The following FAM168A variants were observed in gnomAD, a reference collection of about 807,000 sequenced individuals.
The protein encoded by FAM168A is protein FAM168A.
FAM168A carries 3 observed loss-of-function variants against 28.5 expected under a neutral mutation model. That is an observed-to-expected ratio of 0.11 (90% CI 0.05 to 0.27). FAM168A has a LOEUF of 0.27. Among genes scored for constraint, FAM168A ranks in the 10% least tolerant of loss-of-function variants. The pLI, the probability that FAM168A is intolerant of heterozygous loss-of-function variation, is 1.00. For missense variants in FAM168A, 222 were observed against 311.5 expected (o/e 0.71, Z 2.16); for synonymous variants, 122 against 124.2 (o/e 0.98, Z 0.12).
At chr11:73,493,863 C>T (rs1420695291) in intron 1 of FAM168A, among the ~76,000 whole-genome samples, 4 of 152,276 alleles carry the variant, frequency 2.6e-5, no homozygotes, top group East Asian at 1.9e-4. Context: ...AAGACTCAAA[C>T]GCTGTCTCCT....
chr11:73,573,353 T>C (rs527751415), intron 1 of FAM168A, among the ~76,000 whole-genome samples: 18 of 152,318 alleles, frequency 1.2e-4, no homozygotes, highest in Admixed American at 1.0e-3. Flanking sequence ...CCCTGTGTCC[T>C]AAGTTTTTCT....
chr11:73,418,426 C>T (rs1334440201), intron 4 of FAM168A, among the ~76,000 whole-genome samples: 1 of 152,238 alleles, frequency 6.6e-6, no homozygotes, highest in African/African-American at 2.4e-5. Context: ...CTTCCTGAGG[C>T]CCTCACCAGA....
At chr11:73,571,019 C>T (rs908119762) in intron 1 of FAM168A, among the ~76,000 whole-genome samples, 1 of 152,076 alleles carries the variant, frequency 6.6e-6, no homozygotes, top group Non-Finnish European at 1.5e-5. Flanking sequence ...AACAACTATT[C>T]TACTGTAATA....
chr11:73,528,295 T>A (rs1364529133), intron 1 of FAM168A, among the ~76,000 whole-genome samples: 1 of 152,172 alleles, frequency 6.6e-6, no homozygotes, highest in African/African-American at 2.4e-5. Context: ...ATTCCTAGCC[T>A]CCAGATGTTT....
intron 2 of FAM168A, among the ~76,000 whole-genome samples, chr11:73,435,943 T>G (rs1294474990): frequency 6.6e-6 from 1 of 152,244 alleles, no homozygotes; most frequent in Non-Finnish European, 1.5e-5. Context: ...TTAAGATTAT[T>G]CAGCAAGTCA....
rs142968209 is a variant in FAM168A at position 73,414,411 on chromosome 11, A to G, written c.278-2875T>C. Reference sequence around the variant, plus strand: ...AATATATCAAGGTGTAGAGAAACCTAGCAGAGCTGAAAGCATCCCTTTTCT... The same window carrying G: ...AATATATCAAGGTGTAGAGAAACCTGGCAGAGCTGAAAGCATCCCTTTTCT... On this transcript the variant is annotated intron_variant, in intron 4 of 7. Transcript: ENST00000356467. Among the ~76,000 whole-genome samples, 512 of 152,244 alleles carry G rather than the reference A, an allele frequency of 3.4e-3. 2 individuals are homozygous for G. Among genetic ancestry groups the G allele is most frequent in the Non-Finnish European group, 5.9e-3 (400 of 67,986 alleles).
chr11:73,569,620 G>A (rs1358374774), intron 1 of FAM168A, among the ~76,000 whole-genome samples: 7 of 152,046 alleles, frequency 4.6e-5, no homozygotes, highest in East Asian at 1.9e-4. Context: ...TCAGGAGTTC[G>A]AGACCAGCCT....
intron 1 of FAM168A, among the ~76,000 whole-genome samples, chr11:73,543,127 C>A (rs1238443971): frequency 6.6e-6 from 1 of 152,150 alleles, no homozygotes; most frequent in East Asian, 1.9e-4. Flanking sequence ...TTTTCCCATA[C>A]ACTGCCTGTT....
intron 2 of FAM168A, among the ~76,000 whole-genome samples, chr11:73,434,616 A>G (rs1565242872): frequency 6.6e-6 from 1 of 152,212 alleles, no homozygotes; most frequent in East Asian, 1.9e-4. Context: ...CAGTAGTAGT[A>G]GAGTAAGTCA....
intron 1 of FAM168A, among the ~76,000 whole-genome samples, chr11:73,512,235 T>C (rs1334074873): frequency 6.6e-6 from 1 of 152,228 alleles, no homozygotes; most frequent in Non-Finnish European, 1.5e-5. Flanking sequence ...CCTTTAACTC[T>C]TTCCGTGCTC....
intron 1 of FAM168A, among the ~76,000 whole-genome samples, chr11:73,486,099 G>A: frequency 6.6e-6 from 1 of 152,130 alleles, no homozygotes; most frequent in Non-Finnish European, 1.5e-5. Flanking sequence ...CCCATTATTG[G>A]TAATACAATA....
rs1866497549 is a variant in FAM168A at position 73,405,969 on chromosome 11, G to A, written c.*794C>T. On this transcript the variant is annotated 3_prime_UTR_variant, in exon 8 of 8. Coordinates refer to ENST00000356467, the MANE Select transcript of FAM168A (RefSeq NM_015159.3). ...AGGTCTAAGGACAAAATCACCTTTT[G>A]AGGAAGTGCCAGGTCAGTTAACATC... 6.6e-6 allele frequency: 1 copy of A among 152,594 alleles called. No homozygotes were observed. The highest frequency in any genetic ancestry group is 1.5e-5 in the Non-Finnish European group (1 of 68,066). The allele number at this position is 152,594 out of a possible 1,614,324, so 9.5% of individuals were successfully genotyped here.
At chr11:73,458,541 T>C (rs1186113476) in intron 2 of FAM168A, among the ~76,000 whole-genome samples, 1 of 152,242 alleles carries the variant, frequency 6.6e-6, no homozygotes, top group Non-Finnish European at 1.5e-5. Context: ...GACACTTCAG[T>C]GGAGTGGAAA....
Position 73,400,891 on chromosome 11 carries a change from G to A in FAM168A, c.*5872C>T, listed in dbSNP as rs1029549788. The A allele has an allele frequency of 1.6e-4, 24 of 151,078 alleles. No individual in the cohort carries two copies. Among genetic ancestry groups the A allele is most frequent in the African/African-American group, 5.4e-4 (22 of 40,508 alleles). 9.4% of individuals were successfully genotyped at this position (151,078 alleles called of 1,614,324 possible). ...AAATTCTTGGCTTCAATCTTTCAGA[G>A]TGATCACTGTCTGATCTTCAAAACA... On this transcript the variant is annotated 3_prime_UTR_variant, in exon 8 of 8. Coordinates refer to ENST00000356467, the MANE Select transcript of FAM168A (RefSeq NM_015159.3).
intron 1 of FAM168A, among the ~76,000 whole-genome samples, chr11:73,509,554 C>T (rs1855178827): frequency 6.6e-6 from 1 of 152,134 alleles, no homozygotes; most frequent in South Asian, 2.1e-4. Context: ...AGATGTCCAC[C>T]ACAAAACCCC....
At chr11:73,495,003 C>CA (rs1388684863) in intron 1 of FAM168A, among the ~76,000 whole-genome samples, 2,631 of 126,968 alleles carry the variant, frequency 0.021, 62 homozygotes, top group African/African-American at 0.065. Flanking sequence ...GAGACTGTCT[C>CA]AAAAAAAAAA....
chr11:73,565,465 T>C (rs1944010925), intron 1 of FAM168A, among the ~76,000 whole-genome samples: 1 of 152,210 alleles, frequency 6.6e-6, no homozygotes, highest in South Asian at 2.1e-4. Flanking sequence ...AGGGTTTGCA[T>C]CTATCTCTAC....
intron 1 of FAM168A, among the ~76,000 whole-genome samples, chr11:73,469,689 T>A (rs1867786474): frequency 6.6e-6 from 1 of 152,068 alleles, no homozygotes; most frequent in African/African-American, 2.4e-5. Flanking sequence ...ACGAGCTAGA[T>A]AAAATTACCA....
At chr11:73,495,609 T>C (rs56317898) in intron 1 of FAM168A, among the ~76,000 whole-genome samples, 8,565 of 152,194 alleles carry the variant, frequency 0.056, 846 homozygotes, top group African/African-American at 0.2. Context: ...TAAAAATGGA[T>C]AAAGAACTTG....
Sources: gnomAD v4.1 joint callset for allele counts (sites outside exome capture counted in the v4.1 genomes callset) on GRCh38, gnomAD v4.1.1 for gene constraint, MANE v1.5 for transcripts, NCBI Gene and HGNC (gene_info 2026-07-23, HGNC 2026-07-21) for gene names.